CCPG1: variants seen among roughly 807,000 people sequenced by gnomAD.
The protein encoded by CCPG1 is cell cycle progression protein 1.
A neutral mutation model predicts 81.3 loss-of-function variants in CCPG1; 46 were observed. That is an observed-to-expected ratio of 0.57 (90% confidence interval 0.45 to 0.72). The LOEUF is 0.72. Among genes scored for constraint, CCPG1 ranks in the 30% least tolerant of loss-of-function variants. The pLI, the probability that CCPG1 is intolerant of heterozygous loss-of-function variation, is 0.00. For missense variants in CCPG1, 902 were observed against 937.6 expected, an observed-to-expected ratio of 0.96 and a Z score of 0.50; for synonymous variants, 330 against 305.2, an observed-to-expected ratio of 1.08 and a Z score of -0.85.
intron 6 of CCPG1, among the ~76,000 whole-genome samples, chr15:55,370,599 G>A (rs1457622390): frequency 6.6e-6 from 1 of 152,134 alleles, no homozygotes; most frequent in East Asian, 1.9e-4. Context: ...AAGACTGGCT[G>A]GGTGCGGTGG....
At chr15:55,392,503 C>A (rs1162089842) in intron 1 of CCPG1, among the ~76,000 whole-genome samples, 2 of 151,546 alleles carry the variant, frequency 1.3e-5, no homozygotes, top group Non-Finnish European at 2.9e-5. Flanking sequence ...AAGCATGAAG[C>A]CACCGCACCT....
At chr15:55,356,495 C>A in intron 8 of CCPG1, 86 bp from the exon 9 acceptor site, 1 of 1,319,698 alleles carries the variant, frequency 7.6e-7, no homozygotes, top group Non-Finnish European at 1.0e-6. Flanking sequence ...CTCCATTAAT[C>A]TATGATCTGA....
chr15:55,382,685 ATT>A (rs1218631970), intron 3 of CCPG1, among the ~76,000 whole-genome samples: 3 of 151,866 alleles, frequency 2.0e-5, no homozygotes, highest in Non-Finnish European at 4.4e-5. Context: ...AATTGTTTGT[ATT>A]TTTAGTAGAG....
At chr15:55,376,644 T>C (rs1400007781) in intron 5 of CCPG1, among the ~76,000 whole-genome samples, 1 of 152,200 alleles carries the variant, frequency 6.6e-6, no homozygotes, top group African/African-American at 2.4e-5. Flanking sequence ...TCTCCCACTC[T>C]TAAAGATCTA....
chr15:55,400,989 T>G (rs2057118413), intron 1 of CCPG1, among the ~76,000 whole-genome samples: 1 of 152,200 alleles, frequency 6.6e-6, no homozygotes, highest in African/African-American at 2.4e-5. Flanking sequence ...CAGGGTGTCC[T>G]TTATAGTATC....
At chr15:55,406,137 T>C (rs186465280) in intron 1 of CCPG1, among the ~76,000 whole-genome samples, 8 of 152,260 alleles carry the variant, frequency 5.3e-5, no homozygotes, top group Admixed American at 5.2e-4. Context: ...AGTCCTGGGA[T>C]TACAGGCATG....
intron 7 of CCPG1, among the ~76,000 whole-genome samples, chr15:55,362,060 G>C (rs963389306): frequency 9.2e-5 from 14 of 152,008 alleles, no homozygotes; most frequent in Admixed American, 9.2e-4. Flanking sequence ...TGGTCAATTC[G>C]GCTTATAGAA....
chr15:55,369,098 C>A (rs2056392967), intron 6 of CCPG1, among the ~76,000 whole-genome samples: 1 of 148,840 alleles, frequency 6.7e-6, no homozygotes, highest in African/African-American at 2.6e-5. Flanking sequence ...GGGAACAGAG[C>A]AAGACTCTGT....
intron 1 of CCPG1, 25 bp downstream of exon 1, chr15:55,408,196 G>A (rs2141366266): frequency 6.6e-6 from 1 of 152,558 alleles, no homozygotes; most frequent in South Asian, 2.1e-4. Context: ...CCCCTCCCGG[G>A]GTCTAAGCCC....
intron 4 of CCPG1, among the ~76,000 whole-genome samples, 170 bp downstream of exon 4, chr15:55,378,130 C>A (rs962918179): frequency 1.3e-5 from 2 of 152,126 alleles, no homozygotes; most frequent in African/African-American, 4.8e-5. Flanking sequence ...ATCTTTAACA[C>A]AATACCAATA....
intron 1 of CCPG1, among the ~76,000 whole-genome samples, chr15:55,406,114 C>T (rs2057214035): frequency 6.6e-6 from 1 of 152,124 alleles, no homozygotes; most frequent in Admixed American, 6.5e-5. Flanking sequence ...ATCCGCCTGC[C>T]TTGGCTTCCC....
At chr15:55,369,672 A>T (rs925473689) in intron 6 of CCPG1, among the ~76,000 whole-genome samples, 1 of 152,250 alleles carries the variant, frequency 6.6e-6, no homozygotes, top group South Asian at 2.1e-4. Context: ...TCATAGCCTG[A>T]AAAGGCTAAT....
chr15:55,406,434 CTCTT>C (rs1373156218), intron 1 of CCPG1, among the ~76,000 whole-genome samples: 4 of 118,948 alleles, frequency 3.4e-5, no homozygotes, highest in Non-Finnish European at 5.6e-5. Context: ...CTTTCTTTTT[CTCTT>C]TTTTTTTTTT....
intron 5 of CCPG1, among the ~76,000 whole-genome samples, chr15:55,373,952 C>A (rs1226504090): frequency 3.3e-5 from 5 of 152,280 alleles, no homozygotes; most frequent in Non-Finnish European, 7.4e-5. Flanking sequence ...TTTTTAACTT[C>A]TTTTAAAAAA....
Position 55,355,365 on chromosome 15 carries a change from T to A in CCPG1, c.*855A>T. ...CACACTCACTTGCCAGAGGGTCGAA[T>A]TGGAAGTCACATATATGTCTATGAA... On this transcript the variant is annotated 3_prime_UTR_variant, in exon 9 of 9. Transcript: ENST00000442196. 2 of 1,611,620 alleles carry A rather than the reference T, an allele frequency of 1.2e-6. No homozygotes were observed. Among genetic ancestry groups the A allele is most frequent in the Non-Finnish European group, 1.7e-6 (2 of 1,177,944 alleles).
intron 3 of CCPG1, among the ~76,000 whole-genome samples, chr15:55,379,533 AAGTC>A (rs2056636943): frequency 1.3e-5 from 2 of 152,156 alleles, no homozygotes; most frequent in African/African-American, 4.8e-5. Flanking sequence ...TCTCAAAAAA[AAGTC>A]AGAGAGAGGG....
In CCPG1 at chr15:55,360,824, CCT is replaced by C; in HGVS notation, c.947_948del (p.Lys316ArgfsTer20). ...TGTAATGAGGATAAGGCTTTTTCTT[CCT>C]TCTCCAAGGATACTCTTAAATACTG... is the stretch of plus-strand genomic sequence containing the variant. The part of the protein sequence containing the change: ...ENQYLRVSLE[K>X]EEKALSSLQE... On this transcript the variant is annotated frameshift_variant, in exon 8 of 9. Coordinates refer to ENST00000442196, the MANE Select transcript of CCPG1 (RefSeq NM_001204450.2). LOFTEE classifies it high-confidence loss of function. 1 of 1,612,138 alleles carries C rather than the reference CCT, an allele frequency of 6.2e-7. No individual in the cohort carries two copies. Among genetic ancestry groups the C allele is most frequent in the Non-Finnish European group, 8.5e-7 (1 of 1,179,480 alleles).
Position 55,359,824 on chromosome 15 carries a change from G to A in CCPG1, c.1949C>T (p.Pro650Leu). The change falls in exon 8 of 9, where the codon CCT becomes CTT. Residue 650 changes from proline (P) to leucine (L), a missense_variant. By Grantham distance (98) the Pro-to-Leu change is moderately conservative. Coordinates refer to ENST00000442196, the MANE Select transcript of CCPG1 (RefSeq NM_001204450.2). ...SMSLFNTVVN[P>L]IRMDEFRQII... ...CTGTCTAAATTCATCCATCCTTATA[G>A]GATTCACCACTGTGTTAAAAAGGCT... 1.9e-6 allele frequency: 3 copies of A among 1,613,340 alleles called. No individual in the cohort carries two copies. The highest frequency in any genetic ancestry group is 2.5e-6 in the Non-Finnish European group (3 of 1,179,866).
intron 2 of CCPG1, among the ~76,000 whole-genome samples, chr15:55,387,185 C>T (rs2056817674): frequency 1.3e-5 from 2 of 152,340 alleles, no homozygotes; most frequent in South Asian, 4.1e-4. Context: ...TGGGACATAA[C>T]ATCCAGTACA....
Sources: allele counts gnomAD v4.1 joint callset (sites outside exome capture counted in the v4.1 genomes callset), GRCh38; gene constraint gnomAD v4.1.1; transcripts MANE v1.5; gene names NCBI Gene and HGNC (gene_info 2026-07-23, HGNC 2026-07-21).